Variants in ECPAS observed in about 807,000 individuals in gnomAD.
ECPAS encodes the protein proteasome adapter and scaffold protein ECM29.
A neutral mutation model predicts 255.1 loss-of-function variants in ECPAS; 70 were observed. That is an observed-to-expected ratio of 0.27 (90% CI 0.23 to 0.33). The LOEUF (loss-of-function observed/expected upper bound fraction) is 0.33, where lower values mean the gene tolerates loss of function less well. Ranked by LOEUF, ECPAS falls within the 10% of genes least tolerant of loss-of-function variation. The pLI is 1.00. For missense variants in ECPAS, 1,817 were observed against 2,206.4 expected (o/e 0.82, Z 3.54); for synonymous variants, 784 against 775.0 (o/e 1.01, Z -0.19).
chr9:111,470,895 C>T (rs1407708544), intron 2 of ECPAS, among the ~76,000 whole-genome samples: 1 of 152,142 alleles, frequency 6.6e-6, no homozygotes. Flanking sequence ...CACTGAGGTC[C>T]ACAAGGCCCT....
chr9:111,405,154 C>T (rs2098182120), intron 24 of ECPAS, among the ~76,000 whole-genome samples: 2 of 149,736 alleles, frequency 1.3e-5, no homozygotes, highest in African/African-American at 5.1e-5. Context: ...CATTACCTGA[C>T]TTCAAAATAT....
intron 4 of ECPAS, among the ~76,000 whole-genome samples, chr9:111,443,630 C>G (rs1465287489): frequency 1.3e-5 from 2 of 152,178 alleles, no homozygotes; most frequent in Non-Finnish European, 2.9e-5. Flanking sequence ...TTTATTGGCA[C>G]ACAGTGTTCC....
At chr9:111,412,201 T>C (rs959445891) in intron 20 of ECPAS, 53 bp from the exon 21 acceptor site, 9 of 1,404,254 alleles carry the variant, frequency 6.4e-6, no homozygotes, top group African/African-American at 4.6e-5. Context: ...ACCACGTGCC[T>C]GATGACAACA....
chr9:111,454,945 G>A (rs541137577), intron 2 of ECPAS, among the ~76,000 whole-genome samples: 1 of 151,928 alleles, frequency 6.6e-6, no homozygotes, highest in African/African-American at 2.4e-5. Context: ...TCAAGACAGA[G>A]GCTGGTCTTG....
chr9:111,374,164 T>C, intron 38 of ECPAS, 126 bp from the exon 39 acceptor site: 1 of 621,930 alleles, frequency 1.6e-6, no homozygotes, highest in Non-Finnish European at 2.8e-6. Flanking sequence ...CCTCCAGGAC[T>C]CAATATAGAA....
intron 1 of ECPAS, among the ~76,000 whole-genome samples, chr9:111,480,788 T>C (rs919573700): frequency 2.0e-5 from 3 of 152,222 alleles, no homozygotes; most frequent in Non-Finnish European, 4.4e-5. Flanking sequence ...CTGTGGCTGA[T>C]GACTGACAAT....
intron 11 of ECPAS, 61 bp from the exon 12 acceptor site, chr9:111,425,557 G>T: frequency 8.3e-7 from 1 of 1,209,518 alleles, no homozygotes; most frequent in Non-Finnish European, 1.2e-6. Flanking sequence ...ATATCTTTAC[G>T]GATGATTACA....
chr9:111,422,137 G>T lies in ECPAS; in HGVS notation c.1329C>A (p.Cys443Ter). 6.2e-7 allele frequency: 1 copy of T among 1,613,718 alleles called. No individual in the cohort carries two copies. ...AACTTAGCAGCTGTTTCCCTACCTT[G>T]CAAAGGGCTTCAAAAAGCTGCTGCA... ...ALVQQLFEALCKEEPETRLAI... is the reference protein window; with the variant it reads ...ALVQQLFEAL Residue 443 changes from cysteine (C) to a stop codon, truncating the protein, a stop_gained, in exon 14 of 50, where the codon TGC (cysteine) becomes TGA (stop). Transcript: ENST00000684092. LOFTEE classifies it high-confidence loss of function.
At chr9:111,467,666 G>T (rs1173150412) in intron 2 of ECPAS, among the ~76,000 whole-genome samples, 1 of 152,134 alleles carries the variant, frequency 6.6e-6, no homozygotes, top group South Asian at 2.1e-4. Flanking sequence ...TTTTTTAAAA[G>T]ATCTATCAAG....
At chr9:111,482,331 T>C (rs2098306983) in intron 1 of ECPAS, among the ~76,000 whole-genome samples, 1 of 152,218 alleles carries the variant, frequency 6.6e-6, no homozygotes, top group East Asian at 1.9e-4. Context: ...CAGTTCTGTG[T>C]CAAAGCAGCA....
chr9:111,382,817 A>C (rs957888189), intron 35 of ECPAS, among the ~76,000 whole-genome samples: 3 of 152,230 alleles, frequency 2.0e-5, no homozygotes, highest in African/African-American at 7.2e-5. Context: ...GTAGTCATAT[A>C]TTATATCAAA....
In ECPAS at chr9:111,484,280, C is replaced by A. The variant is rs1225693981; in HGVS notation, c.-247G>T. On this transcript the variant is annotated 5_prime_UTR_variant, in exon 1 of 50. Transcript: ENST00000684092. ...GGCTGCCCTAGCGGCCGGGGGAAAT[C>A]CTCGAGGCGGGGCCGGAGCGCCCTT... is the stretch of plus-strand genomic sequence containing the variant. 1.3e-6 allele frequency: 2 copies of A among 1,531,112 alleles called. No homozygotes were observed. Among genetic ancestry groups the A allele is most frequent in the African/African-American group, 1.4e-5 (1 of 71,392 alleles). 94.8% of individuals were successfully genotyped at this position (1,531,112 alleles called of 1,614,324 possible).
Position 111,393,745 on chromosome 9 carries a change from A to G in ECPAS, c.2923-11T>C, listed in dbSNP as rs999365251. On this transcript the variant is annotated splice_polypyrimidine_tract_variant and intron_variant, in intron 26 of 49. Transcript: ENST00000684092. ...TTCTTTAAGATGAGACTGAAAGAAG[A>G]AAAAAGGCATTAGAACACTGAAACT... 7 of 1,561,908 alleles carry G rather than the reference A, an allele frequency of 4.5e-6. No homozygotes were observed. Among genetic ancestry groups the G allele is most frequent in the Middle Eastern group, 3.4e-4 (2 of 5,964 alleles).
At chr9:111,449,584 C>A (rs1379341765) in intron 3 of ECPAS, among the ~76,000 whole-genome samples, 3 of 151,958 alleles carry the variant, frequency 2.0e-5, no homozygotes, top group Admixed American at 6.6e-5. Context: ...AGATGAATGA[C>A]TTTCTATAAA....
chr9:111,463,217 G>A (rs899585971), intron 2 of ECPAS, among the ~76,000 whole-genome samples: 2 of 152,170 alleles, frequency 1.3e-5, no homozygotes, highest in East Asian at 1.9e-4. Context: ...CTCAAACACC[G>A]CTAGTTAGTG....
At chr9:111,400,049 G>A (rs1332715949) in intron 24 of ECPAS, among the ~76,000 whole-genome samples, 1 of 152,218 alleles carries the variant, frequency 6.6e-6, no homozygotes, top group Non-Finnish European at 1.5e-5. Flanking sequence ...GCAGCTTATT[G>A]TGGAGAGACA....
intron 1 of ECPAS, 26 bp from the exon 2 acceptor site, chr9:111,473,026 A>T (rs2098291100): frequency 2.6e-6 from 2 of 760,444 alleles, no homozygotes; most frequent in Non-Finnish European, 3.4e-6. Context: ...CCAAAAAAAT[A>T]CAATTAACAG....
chr9:111,432,906 C>T (rs2098232264), intron 8 of ECPAS, among the ~76,000 whole-genome samples: 1 of 152,066 alleles, frequency 6.6e-6, no homozygotes. Context: ...TGGTTTGAGA[C>T]ACAGAAAAAA....
chr9:111,399,469 T>C (rs779533524), intron 24 of ECPAS, among the ~76,000 whole-genome samples: 7 of 152,248 alleles, frequency 4.6e-5, no homozygotes, highest in Middle Eastern at 3.4e-3. Flanking sequence ...ATACTTCACA[T>C]TGCAACTCAG....
Sources: allele counts gnomAD v4.1 joint callset (sites outside exome capture counted in the v4.1 genomes callset), GRCh38; gene constraint gnomAD v4.1.1; transcripts MANE v1.5; gene names NCBI Gene and HGNC (gene_info 2026-07-23, HGNC 2026-07-21).